Variants in FHIT observed in about 807,000 individuals in gnomAD.
FHIT encodes bis(5'-adenosyl)-triphosphatase.
In FHIT, 19 loss-of-function variants were observed where a neutral mutation model predicts 17.9. The observed-to-expected ratio is 1.06, with a 90% CI of 0.74 to 1.56. The LOEUF (loss-of-function observed/expected upper bound fraction) is 1.56. Ranked by LOEUF, FHIT falls within the 40% of genes most tolerant of loss-of-function variation. FHIT has a pLI of 0.00. For missense variants in FHIT, 248 were observed against 189.2 expected, an observed-to-expected ratio of 1.31 and a Z score of -1.82; for synonymous variants, 81 against 69.7, an observed-to-expected ratio of 1.16 and a Z score of -0.81.
At chr3:60,718,293 A>G (rs1173318836) in intron 4 of FHIT, among the ~76,000 whole-genome samples, 1 of 152,208 alleles carries the variant, frequency 6.6e-6, no homozygotes, top group Non-Finnish European at 1.5e-5. Flanking sequence ...AAATGACTCA[A>G]TGTAAATGTC....
chr3:60,752,434 G>C (rs1200786216), intron 4 of FHIT, among the ~76,000 whole-genome samples: 2 of 152,166 alleles, frequency 1.3e-5, no homozygotes, highest in African/African-American at 4.8e-5. Context: ...GCAGCAGCAG[G>C]GCCATGGAGT....
At chr3:59,840,141 T>C (rs1013850156) in intron 8 of FHIT, among the ~76,000 whole-genome samples, 4 of 152,066 alleles carry the variant, frequency 2.6e-5, no homozygotes, top group Admixed American at 1.3e-4. Flanking sequence ...TCAAAAAGGA[T>C]GGGCAAGGTG....
At chr3:60,377,366 C>T (rs1372246714) in intron 5 of FHIT, among the ~76,000 whole-genome samples, 1 of 151,200 alleles carries the variant, frequency 6.6e-6, no homozygotes, top group Admixed American at 6.6e-5. Flanking sequence ...ACCATATTGG[C>T]CAGGATGGTC....
intron 7 of FHIT, among the ~76,000 whole-genome samples, chr3:59,958,337 CAT>C (rs561481085): frequency 2.0e-5 from 3 of 152,118 alleles, no homozygotes; most frequent in African/African-American, 7.2e-5. Context: ...AATTAATACA[CAT>C]GATTCCTATA....
At chr3:61,098,583 G>C (rs1008451886) in intron 2 of FHIT, among the ~76,000 whole-genome samples, 6 of 152,312 alleles carry the variant, frequency 3.9e-5, no homozygotes, top group East Asian at 1.9e-4. Context: ...CTATCCATGA[G>C]CATGGAATGT....
At chr3:60,745,039 G>C (rs1577151726) in intron 4 of FHIT, among the ~76,000 whole-genome samples, 1 of 152,060 alleles carries the variant, frequency 6.6e-6, no homozygotes, top group Non-Finnish European at 1.5e-5. Flanking sequence ...CATGAGCCCA[G>C]GAGTTTGAGA....
At chr3:59,987,459 C>G (rs572212025) in intron 7 of FHIT, among the ~76,000 whole-genome samples, 1 of 152,068 alleles carries the variant, frequency 6.6e-6, no homozygotes, top group East Asian at 1.9e-4. Context: ...CATTCACAAT[C>G]TTGTCATTTT....
intron 5 of FHIT, among the ~76,000 whole-genome samples, chr3:60,271,073 T>G (rs1320285605): frequency 6.6e-6 from 1 of 152,278 alleles, no homozygotes; most frequent in African/African-American, 2.4e-5. Flanking sequence ...GGGGGCTAAC[T>G]TCTGCTGCCC....
chr3:60,787,999 C>A (rs1303169734), intron 4 of FHIT, among the ~76,000 whole-genome samples: 1 of 152,190 alleles, frequency 6.6e-6, no homozygotes, highest in African/African-American at 2.4e-5. Context: ...GTGATAGAAG[C>A]TTCATTCAGG....
chr3:61,057,114 C>T (rs1362423881), intron 2 of FHIT, among the ~76,000 whole-genome samples: 1 of 152,124 alleles, frequency 6.6e-6, no homozygotes, highest in East Asian at 1.9e-4. Context: ...AACAGACATC[C>T]CGTATTGATG....
intron 8 of FHIT, among the ~76,000 whole-genome samples, chr3:59,892,432 T>C (rs1703893971): frequency 6.6e-6 from 1 of 152,216 alleles, no homozygotes; most frequent in Non-Finnish European, 1.5e-5. Context: ...TTAAATATAA[T>C]GCCTGCCAGC....
chr3:60,283,032 G>T (rs1466796742), intron 5 of FHIT, among the ~76,000 whole-genome samples: 1 of 152,112 alleles, frequency 6.6e-6, no homozygotes, highest in Non-Finnish European at 1.5e-5. Flanking sequence ...GTAACAGATG[G>T]CAGAACCCTC....
intron 5 of FHIT, among the ~76,000 whole-genome samples, chr3:60,076,330 A>G (rs1394669701): frequency 1.3e-5 from 2 of 152,142 alleles, no homozygotes; most frequent in Admixed American, 6.6e-5. Flanking sequence ...AATGAGGTCC[A>G]GTACTGTAAT....
intron 5 of FHIT, among the ~76,000 whole-genome samples, chr3:60,170,278 C>T (rs1173750323): frequency 1.3e-5 from 2 of 152,068 alleles, no homozygotes; most frequent in Admixed American, 1.3e-4. Context: ...TTCCAGAGAA[C>T]AAAGGAATCA....
chr3:60,046,335 G>T (rs1701652420), intron 5 of FHIT, among the ~76,000 whole-genome samples: 1 of 152,192 alleles, frequency 6.6e-6, no homozygotes, highest in Non-Finnish European at 1.5e-5. Context: ...GAACACCAAT[G>T]AATTCAGGAA....
At chr3:59,795,474 A>T (rs1480645587) in intron 8 of FHIT, among the ~76,000 whole-genome samples, 1 of 151,750 alleles carries the variant, frequency 6.6e-6, no homozygotes, top group Non-Finnish European at 1.5e-5. Context: ...AAAGCAAACC[A>T]AAAGAGAAGA....
chr3:60,460,798 G>A lies in FHIT; in HGVS notation c.103+76062C>T, dbSNP rs182018127. On this transcript the variant is annotated intron_variant, in intron 5 of 9. Transcript: ENST00000492590. Reference sequence around the variant, plus strand: ...AGTCACTCTAAAATAGATGCAGGCTGGAAGACAATTCTCTACATTTTAAAG... The same window carrying A: ...AGTCACTCTAAAATAGATGCAGGCTAGAAGACAATTCTCTACATTTTAAAG... Among the ~76,000 whole-genome samples the A allele has an allele frequency of 4.9e-3, 745 of 152,236 alleles. 5 individuals are homozygous for A. Among genetic ancestry groups the A allele is most frequent in the African/African-American group, 0.017 (700 of 41,544 alleles).
intron 5 of FHIT, among the ~76,000 whole-genome samples, chr3:60,173,031 T>C (rs562533106): frequency 2.6e-5 from 4 of 152,182 alleles, no homozygotes; most frequent in Admixed American, 6.5e-5. Flanking sequence ...TTTTATTTCA[T>C]CATGGTATCT....
chr3:60,048,326 G>A (rs1334623414), intron 5 of FHIT, among the ~76,000 whole-genome samples: 1 of 152,104 alleles, frequency 6.6e-6, no homozygotes, highest in Admixed American at 6.5e-5. Flanking sequence ...ACGGACATGT[G>A]CCACCACGCT....
Sources: gnomAD v4.1 joint callset for allele counts (sites outside exome capture counted in the v4.1 genomes callset) on GRCh38, gnomAD v4.1.1 for gene constraint, MANE v1.5 for transcripts, NCBI Gene and HGNC (gene_info 2026-07-23, HGNC 2026-07-21) for gene names.